Variants in VDR observed in about 807,000 individuals in gnomAD.
VDR encodes vitamin D receptor, also known as vitamin D3 receptor.
Under a neutral mutation model 39.7 loss-of-function variants are expected in VDR, and 19 were observed. The ratio of observed to expected loss-of-function variants is 0.48; its 90% CI spans 0.33 to 0.70. The LOEUF (loss-of-function observed/expected upper bound fraction) is 0.70. VDR is among the 30% of genes least tolerant of loss of function. VDR has a pLI of 0.02. For missense variants in VDR, 442 were observed against 570.5 expected (o/e 0.77, Z 2.29); for synonymous variants, 242 against 215.8 (o/e 1.12, Z -1.07).
chr12:47,878,666 A>G (rs1383971402), intron 3 of VDR: 4 of 463,802 alleles, frequency 8.6e-6, no homozygotes, highest in South Asian at 1.7e-5. Flanking sequence ...TTCACTCTGG[A>G]AGGATGGACA....
chr12:47,904,209 T>C (rs1461915212), intron 1 of VDR, among the ~76,000 whole-genome samples: 2 of 151,964 alleles, frequency 1.3e-5, no homozygotes, highest in African/African-American at 2.4e-5. Context: ...CTCTGGTCCC[T>C]GGGTGAAGAG....
chr12:47,877,704 G>A, intron 3 of VDR, among the ~76,000 whole-genome samples: 1 of 152,156 alleles, frequency 6.6e-6, no homozygotes, highest in East Asian at 1.9e-4. Flanking sequence ...CACACAACTG[G>A]GGCTCTAGAA....
intron 1 of VDR, among the ~76,000 whole-genome samples, chr12:47,885,037 T>C (rs1375129168): frequency 2.0e-5 from 3 of 152,158 alleles, no homozygotes; most frequent in African/African-American, 4.8e-5. Flanking sequence ...GTGGAAAAAC[T>C]GCTTAATACC....
At chr12:47,879,241 C>G in intron 2 of VDR, 126 bp from the exon 3 acceptor site, 1 of 1,196,054 alleles carries the variant, frequency 8.4e-7, no homozygotes, top group Non-Finnish European at 1.1e-6. Context: ...GGGAGCTCAG[C>G]AAGGGTGGGC....
chr12:47,859,137 C>G (rs1299496864), intron 4 of VDR, among the ~76,000 whole-genome samples: 1 of 152,154 alleles, frequency 6.6e-6, no homozygotes, highest in African/African-American at 2.4e-5. Context: ...GGGGGTAAGC[C>G]CTCGCTTGGG....
At chr12:47,865,325 T>C in intron 3 of VDR, 148 bp from the exon 4 acceptor site, 1 of 1,202,230 alleles carries the variant, frequency 8.3e-7, no homozygotes, top group Non-Finnish European at 1.2e-6. Flanking sequence ...CACTCTCACC[T>C]CTAGGCTGGG....
intron 3 of VDR, among the ~76,000 whole-genome samples, chr12:47,866,369 A>C (rs903017935): frequency 1.6e-4 from 25 of 152,236 alleles, no homozygotes; most frequent in African/African-American, 5.5e-4. Context: ...TGCTGGGATT[A>C]CAGGCGTAAG....
At chr12:47,859,189 G>T (rs1176203417) in intron 4 of VDR, among the ~76,000 whole-genome samples, 1 of 152,194 alleles carries the variant, frequency 6.6e-6, no homozygotes. Flanking sequence ...CTCACCTGGG[G>T]ACCAGAGTTA....
chr12:47,891,433 AGAGAGGTGCTGTGAAGG>A (rs1946366648), intron 1 of VDR, among the ~76,000 whole-genome samples: 1 of 152,218 alleles, frequency 6.6e-6, no homozygotes, highest in Non-Finnish European at 1.5e-5. Flanking sequence ...TTCAGGCCCG[AGAGAGGTGCTGTGAAGG>A]GCAGGATGCC....
At position 47,857,610 on chromosome 12, in the gene VDR, C is replaced by T. The variant is rs1240044438; in HGVS notation, c.356G>A (p.Ser119Asn). ...CTCCTCAGACAGCTTGGGCCGCAGA[C>T]TGTCCTTCAAGGCCTCCTCCTCCTT... ...KRKEEEALKD[S>N]LRPKLSEEQQ... The change falls in exon 5 of 10, where the codon AGT (serine) becomes AAT (asparagine). Residue 119 changes from serine to asparagine, a missense_variant. Coordinates refer to ENST00000549336, the MANE Select transcript of VDR (RefSeq NM_000376.3). The T allele has an allele frequency of 1.2e-6, 2 of 1,614,242 alleles. No homozygotes were observed. Among genetic ancestry groups the T allele is most frequent in the Non-Finnish European group, 1.7e-6 (2 of 1,180,052 alleles).
intron 9 of VDR, 69 bp downstream of exon 9, chr12:47,846,266 C>A: frequency 6.3e-6 from 9 of 1,417,924 alleles, no homozygotes. Context: ...AGCTGGCCCT[C>A]AGCAGGTCTT....
Position 47,842,593 on chromosome 12 carries a change from G to C in VDR, c.*2153C>G, listed in dbSNP as rs1321872791. 1.3e-5 allele frequency: 2 copies of C among 150,480 alleles called. No homozygotes were observed. The highest frequency in any genetic ancestry group is 2.9e-5 in the Non-Finnish European group (2 of 67,924). The allele number at this position is 150,480 out of a possible 1,614,324, so 9.3% of individuals were successfully genotyped here. A position where few individuals can be genotyped will look rare whatever the true frequency, so the allele number is the denominator to read the frequency against. ...CTGCCTCAGCCTCCTGAGTAGCTGG[G>C]ATTACAGGCTTGCGCCACCATGCCC... is the stretch of plus-strand genomic sequence containing the variant. On this transcript the variant is annotated 3_prime_UTR_variant, in exon 10 of 10. Transcript: ENST00000549336.
In VDR at chr12:47,878,898, T is replaced by C. The variant is rs1049957888; in HGVS notation, c.146+70A>G. On this transcript the variant is annotated intron_variant, in intron 3 of 9. Transcript: ENST00000549336. Reference sequence around the variant, plus strand: ...AAGGAGATGTGAAAAATGCAAGGGCTCCCTTCATGGAAACACCTTGCTTCT... The same window carrying C: ...AAGGAGATGTGAAAAATGCAAGGGCCCCCTTCATGGAAACACCTTGCTTCT... 4 of 1,611,812 alleles carry C rather than the reference T, an allele frequency of 2.5e-6. No homozygotes were observed. In the African/African-American group the frequency reaches 4.0e-5, roughly 16 times the overall value.
chr12:47,871,055 T>G (rs1456563761), intron 3 of VDR, among the ~76,000 whole-genome samples: 2 of 152,184 alleles, frequency 1.3e-5, no homozygotes, highest in Non-Finnish European at 1.5e-5. Flanking sequence ...TAAAGGATGG[T>G]TAGCACTGTA....
At chr12:47,862,366 C>T (rs1185897525) in intron 4 of VDR, among the ~76,000 whole-genome samples, 2 of 152,240 alleles carry the variant, frequency 1.3e-5, no homozygotes, top group Non-Finnish European at 2.9e-5. Context: ...GTGTGGCCCA[C>T]AAGCCTGCCC....
chr12:47,858,126 C>T (rs193078053), intron 4 of VDR, among the ~76,000 whole-genome samples: 10 of 152,206 alleles, frequency 6.6e-5, no homozygotes, highest in Middle Eastern at 6.8e-3. Flanking sequence ...AGTAATAATA[C>T]CTGCCTCAAA....
chr12:47,865,764 G>C (rs929947454), intron 3 of VDR, among the ~76,000 whole-genome samples: 3 of 144,940 alleles, frequency 2.1e-5, no homozygotes, highest in African/African-American at 7.7e-5. Context: ...ACCCAGGCTG[G>C]AGTGCAGTGG....
At chr12:47,894,934 G>A (rs1037236482) in intron 1 of VDR, among the ~76,000 whole-genome samples, 2 of 152,342 alleles carry the variant, frequency 1.3e-5, no homozygotes, top group African/African-American at 2.4e-5. Flanking sequence ...GGGAAGGCCC[G>A]CGGGAGCCAG....
intron 7 of VDR, among the ~76,000 whole-genome samples, chr12:47,849,400 G>T (rs552550743): frequency 1.1e-4 from 16 of 152,326 alleles, no homozygotes; most frequent in African/African-American, 3.6e-4. Flanking sequence ...GGAGCTCAGG[G>T]CCTCTGGACA....
Sources: allele counts gnomAD v4.1 joint callset (sites outside exome capture counted in the v4.1 genomes callset), GRCh38; gene constraint gnomAD v4.1.1; transcripts MANE v1.5; gene names NCBI Gene and HGNC (gene_info 2026-07-23, HGNC 2026-07-21).